Variants in LRRK1 observed in about 807,000 individuals in gnomAD.
LRRK1 encodes leucine rich repeat kinase 1, also known as leucine-rich repeat serine/threonine-protein kinase 1.
In LRRK1, 113 loss-of-function variants were observed where a neutral mutation model predicts 209.1. The ratio of observed to expected loss-of-function variants is 0.54; its 90% CI spans 0.46 to 0.63. The LOEUF (loss-of-function observed/expected upper bound fraction) is 0.63, where lower values mean the gene tolerates loss of function less well. Ranked by LOEUF, LRRK1 falls within the 30% of genes least tolerant of loss-of-function variation. The probability of loss-of-function intolerance (pLI) is 0.00; values close to 1 mark genes in which losing one functional copy is unlikely to be tolerated. For missense variants in LRRK1, 2,284 were observed against 2,632.2 expected, an observed-to-expected ratio of 0.87 and a Z score of 2.89; for synonymous variants, 1,144 against 1,099.7, an observed-to-expected ratio of 1.04 and a Z score of -0.80.
intron 29 of LRRK1, among the ~76,000 whole-genome samples, chr15:101,059,525 C>T (rs116392532): frequency 1.4e-5 from 2 of 146,498 alleles, no homozygotes; most frequent in African/African-American, 4.9e-5. Flanking sequence ...TTGTTGGCAG[C>T]ACTGTTATGA....
Position 101,022,286 on chromosome 15 carries a change from A to G in LRRK1, c.1853-97A>G. ...GTCTTCCTTAACTGTCCCCACTAAA[A>G]CACAAAGAAGGAGTTCCTTCACAAC... is the stretch of plus-strand genomic sequence containing the variant. On this transcript the variant is annotated intron_variant, in intron 14 of 33. Coordinates refer to ENST00000388948, the MANE Select transcript of LRRK1 (RefSeq NM_024652.6). The surrounding 1 kb of genome is among the most constrained non-coding windows in gnomAD (Gnocchi z 4.0). The G allele has an allele frequency of 8.3e-7, 1 of 1,207,886 alleles. No homozygotes were observed. The allele number at this position is 1,207,886 out of a possible 1,614,324, so 74.8% of individuals were successfully genotyped here. A position where few individuals can be genotyped will look rare whatever the true frequency, so the allele number is the denominator to read the frequency against.
chr15:101,000,936 C>T (rs1177541539), intron 6 of LRRK1, among the ~76,000 whole-genome samples: 3 of 152,212 alleles, frequency 2.0e-5, no homozygotes, highest in African/African-American at 7.2e-5. Flanking sequence ...ATCCACCTGC[C>T]ATGGGCCACC....
At chr15:101,062,729 G>A in intron 31 of LRRK1, 39 bp downstream of exon 31, 1 of 1,426,640 alleles carries the variant, frequency 7.0e-7, no homozygotes, top group Non-Finnish European at 9.9e-7. Context: ...GGTCTCTGAT[G>A]CACTTCCACG....
chr15:100,982,740 C>A (rs2031672195), intron 3 of LRRK1, among the ~76,000 whole-genome samples: 1 of 152,200 alleles, frequency 6.6e-6, no homozygotes, highest in Non-Finnish European at 1.5e-5. Flanking sequence ...TGGTTCCCTT[C>A]CCCCTTCGCA....
intron 12 of LRRK1, 27 bp downstream of exon 12, chr15:101,015,429 C>G: frequency 6.3e-7 from 1 of 1,578,452 alleles, no homozygotes; most frequent in Non-Finnish European, 8.7e-7. Flanking sequence ...AGACGGTGTT[C>G]CCAGATGAGA....
At chr15:100,996,198 C>G (rs2032400993) in intron 6 of LRRK1, among the ~76,000 whole-genome samples, 1 of 152,234 alleles carries the variant, frequency 6.6e-6, no homozygotes, top group African/African-American at 2.4e-5. Flanking sequence ...CAGAGGGTGT[C>G]ACTCCAGAGT....
In LRRK1 at chr15:101,076,973, G is replaced by C. The variant is rs2037009270; in HGVS notation, c.*8125G>C. ...AGACCAGCCTTTATTAGTCAAATCAGCCAAGCGTTTTTTCAGGCTCTTAGT... is the reference window on the plus strand; with the variant it reads ...AGACCAGCCTTTATTAGTCAAATCACCCAAGCGTTTTTTCAGGCTCTTAGT... On this transcript the variant is annotated 3_prime_UTR_variant, in exon 34 of 34. Coordinates refer to ENST00000388948, the MANE Select transcript of LRRK1 (RefSeq NM_024652.6). The C allele has an allele frequency of 6.6e-6, 1 of 151,906 alleles. No individual in the cohort carries two copies. Among genetic ancestry groups the C allele is most frequent in the Non-Finnish European group, 1.5e-5 (1 of 67,990 alleles). The allele number at this position is 151,906 out of a possible 1,614,324, so 9.4% of individuals were successfully genotyped here.
intron 4 of LRRK1, among the ~76,000 whole-genome samples, chr15:100,986,296 A>C (rs1002679635): frequency 2.0e-5 from 3 of 152,224 alleles, no homozygotes; most frequent in Non-Finnish European, 4.4e-5. Context: ...TCTTTGAAGC[A>C]CGTTGTTATG....
intron 2 of LRRK1, among the ~76,000 whole-genome samples, chr15:100,941,316 G>GTGTC (rs1392488556): frequency 7.3e-6 from 1 of 136,166 alleles, no homozygotes; most frequent in Non-Finnish European, 1.6e-5. Context: ...GTGTGTGTCT[G>GTGTC]TGTGTGTGTG....
intron 2 of LRRK1, among the ~76,000 whole-genome samples, chr15:100,962,806 T>TACATATATATATATACATATATATATAC (rs2030102928): frequency 5.7e-5 from 1 of 17,528 alleles, no homozygotes; most frequent in African/African-American, 1.8e-4. Context: ...TATATATATA[T>TACATATATATATATACATATATATATAC]ATATATATAT....
chr15:101,010,432 C>T lies in LRRK1; in HGVS notation c.990-18C>T, dbSNP rs1567229961. The T allele has an allele frequency of 3.8e-6, 6 of 1,599,518 alleles. No individual in the cohort carries two copies. The highest frequency in any genetic ancestry group is 5.1e-6 in the Non-Finnish European group (6 of 1,175,696). On this transcript the variant is annotated intron_variant, in intron 7 of 33. Transcript: ENST00000388948. Reference sequence around the variant, plus strand: ...CCCTCTTTATTCTGATGCCTGCCTTCCTTCTTCTCCATCGCAGGCTACTTG... The same window carrying T: ...CCCTCTTTATTCTGATGCCTGCCTTTCTTCTTCTCCATCGCAGGCTACTTG...
chr15:101,065,112 C>G (rs1251451788), intron 31 of LRRK1: 1 of 573,362 alleles, frequency 1.7e-6, no homozygotes, highest in Admixed American at 3.1e-5. Context: ...ACAGGCCCTG[C>G]CTCTGGGTGG....
At chr15:101,057,743 T>C (rs1396479497) in intron 28 of LRRK1, among the ~76,000 whole-genome samples, 1 of 152,146 alleles carries the variant, frequency 6.6e-6, no homozygotes, top group African/African-American at 2.4e-5. Flanking sequence ...TGGGCCTGGG[T>C]TGGAATACCC....
chr15:100,930,844 T>C (rs2042199239), intron 2 of LRRK1, among the ~76,000 whole-genome samples: 1 of 152,356 alleles, frequency 6.6e-6, no homozygotes, highest in South Asian at 2.1e-4. Flanking sequence ...AATTCTTTAG[T>C]TCTCTGGGAA....
At chr15:100,976,719 G>A (rs182102927) in intron 3 of LRRK1, among the ~76,000 whole-genome samples, 10 of 152,292 alleles carry the variant, frequency 6.6e-5, no homozygotes, top group East Asian at 1.9e-4. Context: ...TTACCAATTT[G>A]TATGTGTAAG....
chr15:101,024,623 G>A lies in LRRK1; in HGVS notation c.2068-180G>A, dbSNP rs751978728. Among the ~76,000 whole-genome samples the A allele has an allele frequency of 6.6e-6, 1 of 152,210 alleles. No homozygotes were observed. The highest frequency in any genetic ancestry group is 2.4e-5 in the African/African-American group (1 of 41,454). ...CAGAAGCCCACCCCCATGCCACCGG[G>A]CCCCTGTCCCTCGCCCAGATAACTG... On this transcript the variant is annotated intron_variant, in intron 15 of 33. Transcript: ENST00000388948. The surrounding 1 kb of genome is among the most constrained non-coding windows in gnomAD (Gnocchi z 4.6).
At chr15:101,050,331 A>T (rs928296982) in intron 23 of LRRK1, among the ~76,000 whole-genome samples, 5 of 152,188 alleles carry the variant, frequency 3.3e-5, no homozygotes, top group Non-Finnish European at 7.4e-5. Flanking sequence ...ACCCAAAAAA[A>T]GTACTCTTTG....
chr15:100,993,771 C>G (rs1317671915), intron 6 of LRRK1, among the ~76,000 whole-genome samples: 1 of 152,142 alleles, frequency 6.6e-6, no homozygotes, highest in Non-Finnish European at 1.5e-5. Flanking sequence ...ACAACCTGTC[C>G]TATTAGTATA....
chr15:101,021,198 G>T lies in LRRK1; in HGVS notation c.1739+16G>T. ...ACTTGGGAAAGTAAGTACACATCTG[G>T]AGGGGCCGTGCTGGCTCTGCTGGCC... On this transcript the variant is annotated intron_variant, in intron 13 of 33. Transcript: ENST00000388948. 6.2e-7 allele frequency: 1 copy of T among 1,613,918 alleles called. No homozygotes were observed. The highest frequency in any genetic ancestry group is 8.5e-7 in the Non-Finnish European group (1 of 1,179,908).
Sources: gnomAD v4.1 joint callset for allele counts (sites outside exome capture counted in the v4.1 genomes callset) on GRCh38, gnomAD v4.1.1 for gene constraint, Gnocchi (gnomAD v3.1) non-coding constraint, MANE v1.5 for transcripts, NCBI Gene and HGNC (gene_info 2026-07-23, HGNC 2026-07-21) for gene names.